Variants in ANO4 observed in about 807,000 individuals in gnomAD.
ANO4 encodes anoctamin 4.
ANO4 carries 69 observed loss-of-function variants against 141.9 expected under a neutral mutation model. The ratio of observed to expected loss-of-function variants is 0.49; its 90% confidence interval spans 0.40 to 0.59. The LOEUF is 0.59. Ranked by LOEUF, ANO4 falls within the 20% of genes least tolerant of loss-of-function variation. The pLI, the probability that ANO4 is intolerant of heterozygous loss-of-function variation, is 0.00. For missense variants in ANO4, 894 were observed against 1,162.2 expected (o/e 0.77, Z 3.36); for synonymous variants, 350 against 394.3 (o/e 0.89, Z 1.33).
At chr12:100,887,573 G>A (rs770775539) in intron 1 of ANO4, among the ~76,000 whole-genome samples, 6 of 151,150 alleles carry the variant, frequency 4.0e-5, no homozygotes, top group East Asian at 1.9e-4. Context: ...GTCCTCCTGC[G>A]AAGTGCATTA....
At chr12:101,067,901 T>C (rs1197862378) in intron 14 of ANO4, among the ~76,000 whole-genome samples, 1 of 152,204 alleles carries the variant, frequency 6.6e-6, no homozygotes, top group East Asian at 1.9e-4. Flanking sequence ...AAAATCAAAG[T>C]CCTTGATTAT....
At chr12:100,841,103 A>G (rs2037223083) in intron 1 of ANO4, among the ~76,000 whole-genome samples, 1 of 152,170 alleles carries the variant, frequency 6.6e-6, no homozygotes, top group Non-Finnish European at 1.5e-5. Context: ...TCATATAGTT[A>G]CTGAACCAGA....
At position 101,033,164 on chromosome 12, in the gene ANO4, G is replaced by A. The variant is rs11533554; in HGVS notation, c.842-3931G>A. 2.0e-4 allele frequency among the ~76,000 whole-genome samples: 31 copies of A among 152,240 alleles called. No individual in the cohort carries two copies. In the East Asian group the frequency reaches 6.0e-3, roughly 29 times the overall value. On this transcript the variant is annotated intron_variant, in intron 9 of 27. Coordinates refer to ENST00000392977, the MANE Select transcript of ANO4 (RefSeq NM_001286615.2). Reference sequence around the variant, plus strand: ...AAAAAATGATGAGTTCATGTCCTTTGTAGGGACATGAATGAAATTGGAAAT... The same window carrying A: ...AAAAAATGATGAGTTCATGTCCTTTATAGGGACATGAATGAAATTGGAAAT...
intron 15 of ANO4, 86 bp from the exon 16 acceptor site, chr12:101,083,590 CTG>C: frequency 6.8e-7 from 1 of 1,476,828 alleles, no homozygotes; most frequent in Admixed American, 2.6e-5. Flanking sequence ...GCTGTTGACT[CTG>C]TTTTATGGTG....
At chr12:100,974,487 A>G (rs1317229911) in intron 6 of ANO4, among the ~76,000 whole-genome samples, 2 of 152,150 alleles carry the variant, frequency 1.3e-5, no homozygotes, top group South Asian at 2.1e-4. Flanking sequence ...TTGCCCTCTG[A>G]TCCATCTTTG....
chr12:101,068,793 GC>G, intron 14 of ANO4: 1 of 1,230,072 alleles, frequency 8.1e-7, no homozygotes, highest in Non-Finnish European at 1.2e-6. Flanking sequence ...CTTTAGAAGA[GC>G]CCACAGTCAT....
chr12:100,730,167 G>A (rs2031323111), intron 1 of ANO4, among the ~76,000 whole-genome samples: 1 of 152,116 alleles, frequency 6.6e-6, no homozygotes, highest in South Asian at 2.1e-4. Flanking sequence ...AAAGAATGAG[G>A]AATGACAACT....
chr12:100,773,560 G>T (rs2135557976), intron 3 of ANO4, among the ~76,000 whole-genome samples: 1 of 152,298 alleles, frequency 6.6e-6, no homozygotes, highest in East Asian at 1.9e-4. Context: ...GAAGGATCTT[G>T]TACTACATAA....
chr12:100,757,121 A>G (rs2032646885), intron 3 of ANO4, among the ~76,000 whole-genome samples: 1 of 152,166 alleles, frequency 6.6e-6, no homozygotes, highest in African/African-American at 2.4e-5. Flanking sequence ...GGGACAGATA[A>G]AAATTGGTGA....
intron 24 of ANO4, among the ~76,000 whole-genome samples, chr12:101,114,774 T>G (rs2050789126): frequency 6.6e-6 from 1 of 152,124 alleles, no homozygotes; most frequent in Non-Finnish European, 1.5e-5. Context: ...CTCAAGGCAC[T>G]AATTTATTTT....
chr12:101,063,778 T>TTTTTTTTTTTTTTTA (rs2048456888), intron 14 of ANO4, among the ~76,000 whole-genome samples: 1 of 126,428 alleles, frequency 7.9e-6, no homozygotes, highest in African/African-American at 3.1e-5. Flanking sequence ...TTTTTTTTTT[T>TTTTTTTTTTTTTTTA]GCCTTTGAAA....
intron 2 of ANO4, among the ~76,000 whole-genome samples, chr12:100,917,133 G>T (rs1472901300): frequency 2.6e-5 from 4 of 152,172 alleles, no homozygotes; most frequent in African/African-American, 9.7e-5. Context: ...TCCATAAAAT[G>T]TGGGGAAACT....
At chr12:100,813,525 A>G (rs1012142296) in intron 1 of ANO4, among the ~76,000 whole-genome samples, 1 of 152,186 alleles carries the variant, frequency 6.6e-6, no homozygotes, top group Non-Finnish European at 1.5e-5. Context: ...GCAGGGGTGT[A>G]AAAACAGCCT....
intron 2 of ANO4, among the ~76,000 whole-genome samples, chr12:100,907,898 G>A (rs1418833383): frequency 1.3e-5 from 2 of 152,194 alleles, no homozygotes; most frequent in African/African-American, 4.8e-5. Context: ...TCAAACGCAG[G>A]CAGTGTAGAT....
upstream of ANO4, among the ~76,000 whole-genome samples, chr12:100,790,050 G>A (rs2033994415): frequency 1.3e-5 from 2 of 152,150 alleles, no homozygotes; most frequent in South Asian, 4.2e-4. Flanking sequence ...GGGCCTTGAA[G>A]GATGATTGAT....
chr12:100,961,730 TC>T (rs1421725900), intron 5 of ANO4, among the ~76,000 whole-genome samples: 83 of 152,348 alleles, frequency 5.4e-4, no homozygotes, highest in African/African-American at 2.0e-3. Context: ...TGCTAAGTCT[TC>T]AAAATCTGGT....
intron 2 of ANO4, among the ~76,000 whole-genome samples, chr12:100,921,652 T>G (rs566042166): frequency 6.6e-6 from 1 of 152,084 alleles, no homozygotes; most frequent in African/African-American, 2.4e-5. Flanking sequence ...ATGCCAAAAA[T>G]ACATCAGACA....
In ANO4 at chr12:101,099,566, C is replaced by A. The variant is rs1074288; in HGVS notation, c.2007-12C>A. The A allele has an allele frequency of 4.2e-4, 670 of 1,580,870 alleles. No homozygotes were observed. Among genetic ancestry groups the A allele is most frequent in the Admixed American group, 1.8e-3 (91 of 50,256 alleles). The stretch of plus-strand genomic sequence containing the variant: ...GTTACATTTTTTGTAAGAAATTGAT[C>A]TTTTTGCCCAGGTTAATTCAGAATT... On this transcript the variant is annotated splice_polypyrimidine_tract_variant and intron_variant, in intron 21 of 27. Transcript: ENST00000392977.
intron 4 of ANO4, among the ~76,000 whole-genome samples, chr12:100,941,957 A>AATTATTATT (rs138288410): frequency 0.023 from 3,319 of 143,106 alleles, 49 homozygotes; most frequent in African/African-American, 0.042. Flanking sequence ...CAATGAAAAA[A>AATTATTATT]ATTATTATTA....
Sources: allele counts gnomAD v4.1 joint callset (sites outside exome capture counted in the v4.1 genomes callset), GRCh38; gene constraint gnomAD v4.1.1; transcripts MANE v1.5; gene names NCBI Gene and HGNC (gene_info 2026-07-23, HGNC 2026-07-21).